ZNF599: variants seen among roughly 807,000 people sequenced by gnomAD.
The protein encoded by ZNF599 is zinc finger protein 599.
ZNF599 carries 10 observed loss-of-function variants against 11.7 expected under a neutral mutation model. The ratio of observed to expected loss-of-function variants is 0.86; its 90% CI spans 0.53 to 1.45. The LOEUF (loss-of-function observed/expected upper bound fraction) is 1.45. Among genes scored for constraint, ZNF599 ranks in the 40% most tolerant of loss-of-function variants. The probability of loss-of-function intolerance (pLI) is 0.00; values close to 1 mark genes in which losing one functional copy is unlikely to be tolerated. For synonymous variants in ZNF599, 232 were observed against 253.2 expected (o/e 0.92, Z 0.79); for missense variants, 688 against 713.6 (o/e 0.96, Z 0.41).
intron 3 of ZNF599, among the ~76,000 whole-genome samples, chr19:34,761,881 A>G (rs961578444): frequency 3.3e-5 from 5 of 152,232 alleles, no homozygotes; most frequent in Non-Finnish European, 5.9e-5. Flanking sequence ...ACAAGATATA[A>G]AAGCATTAAT....
At chr19:34,772,787 A>T in intron 1 of ZNF599, 37 bp downstream of exon 1, 2 of 1,534,974 alleles carry the variant, frequency 1.3e-6, no homozygotes, top group Non-Finnish European at 1.7e-6. Context: ...GCGGGCGGTG[A>T]CCCGAGCTCG....
the ZNF599 span, among the ~76,000 whole-genome samples, chr19:34,780,910 A>G: frequency 5.3e-5 from 8 of 152,278 alleles, no homozygotes; most frequent in East Asian, 1.5e-3. Flanking sequence ...TAATCCCAGC[A>G]CTTTGGGAGG....
chr19:34,759,219 T>C lies in ZNF599; in HGVS notation c.1582A>G (p.Ile528Val). 2 of 1,614,182 alleles carry C rather than the reference T, an allele frequency of 1.2e-6. No individual in the cohort carries two copies. The highest frequency in any genetic ancestry group is 1.7e-6 in the Non-Finnish European group (2 of 1,180,042). The change falls in exon 4 of 4, where the codon ATC becomes GTC. Residue 528 changes from isoleucine (I) to valine (V), a missense_variant. Coordinates refer to ENST00000329285, the MANE Select transcript of ZNF599 (RefSeq NM_001007248.3). ...TCAAAAGGTTTTTCTCCAGTGTGGA[T>C]CCTATTATGCCGAACAAAATTTGCA... Reference protein sequence around the residue: ...QPANFVRHNRIHTGEKPFECK... With the variant: ...QPANFVRHNRVHTGEKPFECK...
At position 34,758,955 on chromosome 19, in the gene ZNF599, T is replaced by C; in HGVS notation, c.*79A>G. 1 of 1,425,106 alleles carries C rather than the reference T, an allele frequency of 7.0e-7. No individual in the cohort carries two copies. Among genetic ancestry groups the C allele is most frequent in the African/African-American group, 1.4e-5 (1 of 70,008 alleles). 88.3% of individuals were successfully genotyped at this position (1,425,106 alleles called of 1,614,324 possible). A position where few individuals can be genotyped will look rare whatever the true frequency, so the allele number is the denominator to read the frequency against. On this transcript the variant is annotated 3_prime_UTR_variant, in exon 4 of 4. Coordinates refer to ENST00000329285, the MANE Select transcript of ZNF599 (RefSeq NM_001007248.3). ...TGGCCAAAATATTTCCCTCAATAGT[T>C]ATACTCAAAAGGAAAGGTATGTCAC...
At chr19:34,805,365 T>G in the ZNF599 span, among the ~76,000 whole-genome samples, 2 of 152,086 alleles carry the variant, frequency 1.3e-5, no homozygotes, top group East Asian at 1.9e-4. Context: ...GCCCAGCTAA[T>G]TTTTGTATGT....
chr19:34,793,069 G>A, the ZNF599 span, among the ~76,000 whole-genome samples: 1 of 152,082 alleles, frequency 6.6e-6, no homozygotes, highest in African/African-American at 2.4e-5. Flanking sequence ...AGCCTGCTGG[G>A]GATTCAGAAT....
intron 3 of ZNF599, chr19:34,763,043 G>T (rs2069121604): frequency 6.6e-6 from 1 of 152,216 alleles, no homozygotes; most frequent in African/African-American, 2.4e-5. Flanking sequence ...CTATATTTAT[G>T]AAAAAAACCT....
At chr19:34,798,898 T>C in the ZNF599 span, among the ~76,000 whole-genome samples, 2 of 152,192 alleles carry the variant, frequency 1.3e-5, no homozygotes, top group African/African-American at 4.8e-5. Flanking sequence ...TCCCTTGCAT[T>C]TCACCCATTC....
chr19:34,769,380 A>G, intron 2 of ZNF599, 49 bp downstream of exon 2: 2 of 1,613,694 alleles, frequency 1.2e-6, no homozygotes, highest in Non-Finnish European at 1.7e-6. Flanking sequence ...GAAAGGGTGG[A>G]TTCAAAGAGG....
At chr19:34,772,506 C>G in intron 1 of ZNF599, 3 of 1,281,720 alleles carry the variant, frequency 2.3e-6, no homozygotes, top group African/African-American at 1.6e-5. Context: ...CAAGCGTACC[C>G]TCTCCAGCTC....
chr19:34,762,006 G>A (rs558046354), intron 3 of ZNF599, among the ~76,000 whole-genome samples: 2 of 152,230 alleles, frequency 1.3e-5, no homozygotes, highest in East Asian at 3.9e-4. Flanking sequence ...AAGCAAATGA[G>A]ACAAAGAGGG....
the ZNF599 span, chr19:34,791,818 A>T: frequency 6.6e-6 from 1 of 152,188 alleles, no homozygotes; most frequent in Non-Finnish European, 1.5e-5. Context: ...TTGGTCACCT[A>T]CCTGGACAGG....
rs1174841097 is a variant in ZNF599 at position 34,769,427 on chromosome 19, AC to A, written c.145+1del. The A allele has an allele frequency of 1.9e-5, 31 of 1,613,942 alleles. No homozygotes were observed. The highest frequency in any genetic ancestry group is 2.5e-5 in the Non-Finnish European group (29 of 1,180,000). The stretch of plus-strand genomic sequence containing the variant: ...CTACATGGGAGGGTAATGAGGTCTT[AC>A]CCAGTGAGACCAGGAGCCTGCAGGT... On this transcript the variant is annotated splice_donor_variant, in intron 2 of 3. Transcript: ENST00000329285. LOFTEE classifies it high-confidence loss of function.
chr19:34,772,458 T>C, intron 1 of ZNF599: 1 of 1,115,216 alleles, frequency 9.0e-7, no homozygotes, highest in African/African-American at 1.6e-5. Flanking sequence ...GCACCTAGAG[T>C]GATGCTCTCC....
At position 34,759,315 on chromosome 19, in the gene ZNF599, G is replaced by C. The variant is rs200791072; in HGVS notation, c.1486C>G (p.Arg496Gly). Residue 496 changes from arginine to glycine, a missense_variant, in exon 4 of 4, where the codon CGA becomes GGA. Physicochemically the swap from Arg to Gly is moderately radical, Grantham distance 125. Transcript: ENST00000329285. ...KAFYYSSSFT[R>G]HMRIHTGEKP... ...TCTCCAGTGTGAATCCTCATGTGTC[G>C]AGTGAAGGAAGAGCTATAGTAAAAG... 1.2e-6 allele frequency: 2 copies of C among 1,614,128 alleles called. No homozygotes were observed. The highest frequency in any genetic ancestry group is 2.7e-5 in the African/African-American group (2 of 75,010).
the ZNF599 span, among the ~76,000 whole-genome samples, chr19:34,789,933 A>T: frequency 3.9e-5 from 6 of 152,182 alleles, no homozygotes; most frequent in Non-Finnish European, 8.8e-5. Flanking sequence ...CTCAGATCAA[A>T]GTCATGGAGC....
the ZNF599 span, among the ~76,000 whole-genome samples, chr19:34,792,393 T>C: frequency 6.6e-6 from 1 of 152,236 alleles, no homozygotes; most frequent in Admixed American, 6.5e-5. Context: ...TCAGGGAGGA[T>C]TGAAAAGTGT....
At position 34,758,106 on chromosome 19, in the gene ZNF599, AATT is replaced by A. The variant is rs1167869664; in HGVS notation, c.*925_*927del. 6.6e-6 allele frequency: 1 copy of A among 152,126 alleles called. No homozygotes were observed. The highest frequency in any genetic ancestry group is 2.4e-5 in the African/African-American group (1 of 41,442). The allele number at this position is 152,126 out of a possible 1,614,324, so 9.4% of individuals were successfully genotyped here. A position where few individuals can be genotyped will look rare whatever the true frequency, so the allele number is the denominator to read the frequency against. ...TTAAAATATTTTTATTATAAAGAAT[AATT>A]ATAATTATTCAAGAAACACTGATAA... On this transcript the variant is annotated 3_prime_UTR_variant, in exon 4 of 4. Transcript: ENST00000329285.
Position 34,760,525 on chromosome 19 carries a change from A to C in ZNF599, c.276T>G (p.Thr92=), listed in dbSNP as rs1233709890. ...EKAKPKITEP[T]ASQLAFSEES... ...CCTCAGAGAAGGCCAGCTGAGAAGC[A>C]GTAGGCTCTGTAATCTTGGGTTTTG... is the stretch of plus-strand genomic sequence containing the variant. The change falls in exon 4 of 4, where the codon ACT becomes ACG. Residue 92 remains threonine (T), a synonymous_variant. Coordinates refer to ENST00000329285, the MANE Select transcript of ZNF599 (RefSeq NM_001007248.3). 3.1e-6 allele frequency: 5 copies of C among 1,612,922 alleles called. No individual in the cohort carries two copies. Among genetic ancestry groups the C allele is most frequent in the Non-Finnish European group, 2.5e-6 (3 of 1,179,614 alleles).
Sources: allele counts gnomAD v4.1 joint callset (sites outside exome capture counted in the v4.1 genomes callset), GRCh38; gene constraint gnomAD v4.1.1; transcripts MANE v1.5; gene names NCBI Gene and HGNC (gene_info 2026-07-23, HGNC 2026-07-21).